The following NECAB1 variants were observed in gnomAD, a reference collection of about 807,000 sequenced individuals.
The protein encoded by NECAB1 is N-terminal EF-hand calcium-binding protein 1.
NECAB1 carries 29 observed loss-of-function variants against 57.5 expected under a neutral mutation model. The ratio of observed to expected loss-of-function variants is 0.50; its 90% CI spans 0.38 to 0.69. The LOEUF (loss-of-function observed/expected upper bound fraction) is 0.69. NECAB1 is among the 30% of genes least tolerant of loss of function. The pLI is 0.00. For synonymous variants in NECAB1, 142 were observed against 147.7 expected (o/e 0.96, Z 0.28); for missense variants, 372 against 413.8 (o/e 0.90, Z 0.88).
chr8:90,930,032 C>CA (rs940545774), intron 8 of NECAB1, among the ~76,000 whole-genome samples: 36 of 151,352 alleles, frequency 2.4e-4, no homozygotes, highest in East Asian at 9.7e-4. Context: ...AGTGACAAAC[C>CA]AAAAAAAATC....
intron 6 of NECAB1, among the ~76,000 whole-genome samples, chr8:90,919,288 T>G (rs1040741741): frequency 3.3e-5 from 5 of 152,118 alleles, no homozygotes; most frequent in African/African-American, 1.2e-4. Context: ...CTTATAGATG[T>G]GCTTTATCTA....
intron 2 of NECAB1, among the ~76,000 whole-genome samples, chr8:90,812,396 A>T (rs986067953): frequency 6.6e-6 from 1 of 152,144 alleles, no homozygotes; most frequent in Non-Finnish European, 1.5e-5. Flanking sequence ...GGCTCACATA[A>T]AATGTTATTG....
chr8:90,846,265 C>T (rs1812556867), intron 3 of NECAB1, among the ~76,000 whole-genome samples: 2 of 152,198 alleles, frequency 1.3e-5, no homozygotes, highest in African/African-American at 2.4e-5. Flanking sequence ...GTATTTAATA[C>T]TTTCCTAGGC....
intron 4 of NECAB1, among the ~76,000 whole-genome samples, chr8:90,875,927 G>C (rs1157184076): frequency 1.3e-5 from 2 of 151,706 alleles, no homozygotes; most frequent in African/African-American, 4.8e-5. Context: ...GGAGAATGGC[G>C]TGAACCCGGG....
chr8:90,891,043 T>C (rs1809151865), intron 5 of NECAB1, among the ~76,000 whole-genome samples: 1 of 152,148 alleles, frequency 6.6e-6, no homozygotes, highest in Non-Finnish European at 1.5e-5. Flanking sequence ...TGGCCGAAGA[T>C]TGCTGGGAAA....
intron 5 of NECAB1, among the ~76,000 whole-genome samples, chr8:90,902,626 A>G (rs1563526294): frequency 6.6e-6 from 1 of 152,212 alleles, no homozygotes; most frequent in Non-Finnish European, 1.5e-5. Context: ...ATAGTTAAAT[A>G]AATATAAATT....
intron 5 of NECAB1, among the ~76,000 whole-genome samples, chr8:90,903,517 A>G (rs763390862): frequency 2.2e-4 from 34 of 152,182 alleles, no homozygotes; most frequent in East Asian, 3.8e-4. Context: ...CTATGGATCA[A>G]TGATTACTTA....
intron 1 of NECAB1, among the ~76,000 whole-genome samples, chr8:90,797,973 A>G (rs1037123219): frequency 6.6e-6 from 1 of 152,102 alleles, no homozygotes; most frequent in Non-Finnish European, 1.5e-5. Flanking sequence ...AATAGAATGT[A>G]CCCTCCACAG....
chr8:90,950,166 G>A (rs1044400863), intron 11 of NECAB1, among the ~76,000 whole-genome samples: 6 of 152,104 alleles, frequency 3.9e-5, no homozygotes, highest in Non-Finnish European at 8.8e-5. Context: ...GGGTATGAGT[G>A]TCTAAAGCTG....
intron 3 of NECAB1, among the ~76,000 whole-genome samples, chr8:90,833,763 A>G (rs1812327198): frequency 6.6e-6 from 1 of 152,190 alleles, no homozygotes; most frequent in Admixed American, 6.5e-5. Context: ...CTTCGTGGAC[A>G]GTATTTTTCC....
Position 90,940,886 on chromosome 8 carries a change from G to A in NECAB1, c.848G>A (p.Ser283Asn). 1.9e-6 allele frequency: 3 copies of A among 1,558,192 alleles called. No homozygotes were observed. Among genetic ancestry groups the A allele is most frequent in the South Asian group, 1.2e-5 (1 of 84,328 alleles). The change falls in exon 10 of 13, where the codon AGT (serine) becomes AAT (asparagine). Residue 283 changes from serine (S) to asparagine (N), a missense_variant. Transcript: ENST00000417640. ...KHYVESASSQ[S>N]GCLRISIQKL... ...TACGTGGAGAGTGCTTCCTCCCAAA[G>A]TGGATGCTTGCGGTAAGTGCTCCGA...
intron 9 of NECAB1, among the ~76,000 whole-genome samples, chr8:90,935,236 C>G (rs1399694696): frequency 1.3e-5 from 2 of 152,158 alleles, no homozygotes; most frequent in African/African-American, 4.8e-5. Flanking sequence ...AGTTGAGACC[C>G]ACCTATGTGT....
intron 6 of NECAB1, among the ~76,000 whole-genome samples, chr8:90,919,416 C>T (rs1355834945): frequency 2.6e-5 from 4 of 152,162 alleles, no homozygotes; most frequent in Non-Finnish European, 5.9e-5. Flanking sequence ...ATTATTAGGA[C>T]ATCTCCAAAA....
intron 6 of NECAB1, among the ~76,000 whole-genome samples, chr8:90,921,457 T>C (rs925132843): frequency 2.0e-5 from 3 of 151,674 alleles, no homozygotes; most frequent in Admixed American, 6.6e-5. Context: ...TCACCTGAGG[T>C]CAGGAGTTCG....
At chr8:90,820,868 T>G (rs62528310) in intron 2 of NECAB1, among the ~76,000 whole-genome samples, 4,056 of 151,980 alleles carry the variant, frequency 0.027, 91 homozygotes, top group Middle Eastern at 0.068. Context: ...AGTGAACTAG[T>G]AAATCCATAT....
intron 5 of NECAB1, among the ~76,000 whole-genome samples, chr8:90,902,098 T>G (rs1809516812): frequency 6.6e-6 from 1 of 152,234 alleles, no homozygotes; most frequent in South Asian, 2.1e-4. Flanking sequence ...GCCTATTTTT[T>G]GAAACTTCTC....
At chr8:90,829,050 T>G (rs1812265624) in intron 3 of NECAB1, among the ~76,000 whole-genome samples, 1 of 152,054 alleles carries the variant, frequency 6.6e-6, no homozygotes, top group South Asian at 2.1e-4. Flanking sequence ...AAAAAATTGT[T>G]AATCTCTCAA....
At chr8:90,903,824 A>C (rs1809569328) in intron 5 of NECAB1, 1 of 152,230 alleles carries the variant, frequency 6.6e-6, no homozygotes, top group Non-Finnish European at 1.5e-5. Flanking sequence ...CAAAGAAATA[A>C]GCAGTAGGAA....
At chr8:90,825,566 G>A (rs1812210420) in intron 3 of NECAB1, among the ~76,000 whole-genome samples, 1 of 151,790 alleles carries the variant, frequency 6.6e-6, no homozygotes, top group South Asian at 2.1e-4. Flanking sequence ...ACCTATCAGT[G>A]TGTCCATTGC....
Sources: allele counts gnomAD v4.1 joint callset (sites outside exome capture counted in the v4.1 genomes callset), GRCh38; gene constraint gnomAD v4.1.1; transcripts MANE v1.5; gene names NCBI Gene and HGNC (gene_info 2026-07-23, HGNC 2026-07-21).